TBCD: variants seen among roughly 807,000 people sequenced by gnomAD.
TBCD encodes the protein tubulin folding cofactor D.
In TBCD, 105 loss-of-function variants were observed where a neutral mutation model predicts 169.3. The ratio of observed to expected loss-of-function variants is 0.62; its 90% CI spans 0.53 to 0.73. TBCD has a LOEUF of 0.73. TBCD is among the 30% of genes least tolerant of loss of function. TBCD has a pLI of 0.00. For missense variants in TBCD, 1,444 were observed against 1,600.1 expected (o/e 0.90, Z 1.66); for synonymous variants, 700 against 643.9 (o/e 1.09, Z -1.32).
chr17:82,938,887 T>TTGCTTCTCTGGTGAAAACAG lies in TBCD; in HGVS notation c.3370-480_3370-479insTGCTTCTCTGGTGAAAACAG, dbSNP rs1568103719. Among the ~76,000 whole-genome samples the TTGCTTCTCTGGTGAAAACAG allele has an allele frequency of 5.3e-3, 288 of 54,486 alleles. 1 individual carries two copies. The highest frequency in any genetic ancestry group is 0.037 in the Middle Eastern group (2 of 54). The allele number at this position is 54,486 out of a possible 152,430, so 35.7% of individuals were successfully genotyped here. On this transcript the variant is annotated intron_variant, in intron 36 of 38. Coordinates refer to ENST00000355528, the MANE Select transcript of TBCD (RefSeq NM_005993.5). ...GTGAGGGAGCAGGTTGGTTAATAGA[T>TTGCTTCTCTGGTGAAAACAG]AGCGGGCGAGATTGCTTCTCTGGTG... is the stretch of plus-strand genomic sequence containing the variant.
chr17:82,919,639 C>G (rs184978109), intron 23 of TBCD, among the ~76,000 whole-genome samples: 4 of 152,218 alleles, frequency 2.6e-5, no homozygotes, highest in African/African-American at 9.6e-5. Flanking sequence ...CAGGTTACTT[C>G]ACATCGAGAG....
At chr17:82,830,691 G>A in intron 13 of TBCD, 3 of 1,614,180 alleles carry the variant, frequency 1.9e-6, no homozygotes, top group Non-Finnish European at 2.5e-6. Flanking sequence ...CTGAGAAGCT[G>A]GCGGTTTCCG....
Position 82,752,307 on chromosome 17 carries a change from G to C in TBCD, c.114G>C (p.Ala38=). The C allele has an allele frequency of 1.3e-6, 2 of 1,492,854 alleles. No individual in the cohort carries two copies. The highest frequency in any genetic ancestry group is 1.8e-6 in the Non-Finnish European group (2 of 1,129,344). 92.5% of individuals were successfully genotyped at this position (1,492,854 alleles called of 1,614,324 possible). The stretch of plus-strand genomic sequence containing the variant: ...TCGGCGAGAGCGCGGAGACCCGGGC[G>C]CTGCTGGGCCGCCTGCGGGAGGTGC... ...EAFGESAETR[A]LLGRLREVHG... is the part of the protein sequence containing the mutation. The change falls in exon 1 of 39, where the codon GCG becomes GCC. Residue 38 remains alanine (A), a synonymous_variant. Coordinates refer to ENST00000355528, the MANE Select transcript of TBCD (RefSeq NM_005993.5).
At chr17:82,894,427 G>A (rs1008749358) in intron 17 of TBCD, among the ~76,000 whole-genome samples, 2 of 152,156 alleles carry the variant, frequency 1.3e-5, no homozygotes, top group Non-Finnish European at 2.9e-5. Flanking sequence ...CCAGAAGCAT[G>A]CCCGATGCAT....
At chr17:82,761,875 G>T (rs543621309) in intron 2 of TBCD, among the ~76,000 whole-genome samples, 1 of 151,392 alleles carries the variant, frequency 6.6e-6, no homozygotes, top group Non-Finnish European at 1.5e-5. Flanking sequence ...ACGGGTGCCC[G>T]CCAACACACC....
At position 82,899,335 on chromosome 17, in the gene TBCD, C is replaced by T. The variant is rs558584630; in HGVS notation, c.1650-1316C>T. Among the ~76,000 whole-genome samples, 7 of 149,972 alleles carry T rather than the reference C, an allele frequency of 4.7e-5. 1 individual carries two copies. In the South Asian group the frequency reaches 1.3e-3, roughly 27 times the overall value. ...GTGTCCTCAGCGCGCGCGTCCTCAG[C>T]TCGTGTCCTCAGTGCGTGTCCGCAG... On this transcript the variant is annotated intron_variant, in intron 17 of 38. Transcript: ENST00000355528.
rs761207938 is a variant in TBCD, at chr17:82,923,752, T to C, written c.2260+19T>C. On this transcript the variant is annotated intron_variant, in intron 26 of 38. Coordinates refer to ENST00000355528, the MANE Select transcript of TBCD (RefSeq NM_005993.5). The surrounding 1 kb of genome is among the most constrained non-coding windows in gnomAD (Gnocchi z 4.6). ...ATTCAGGGTGAGTGGGGAGCCCTTT[T>C]CTTGAAGACTCCAGGGGCTTCCAGC... The C allele has an allele frequency of 1.9e-6, 3 of 1,579,000 alleles. No homozygotes were observed. In the South Asian group the frequency reaches 3.5e-5, roughly 18 times the overall value.
intron 29 of TBCD, 140 bp downstream of exon 29, chr17:82,927,463 A>T: frequency 8.1e-7 from 1 of 1,239,530 alleles, no homozygotes; most frequent in Middle Eastern, 2.9e-4. Context: ...TCTGGGGAAG[A>T]TGACCTGTTC....
Position 82,930,543 on chromosome 17 carries a change from C to T in TBCD, c.3013C>T (p.Leu1005Phe), listed in dbSNP as rs2062113544. 1.9e-6 allele frequency: 3 copies of T among 1,613,680 alleles called. No homozygotes were observed. Among genetic ancestry groups the T allele is most frequent in the Non-Finnish European group, 2.5e-6 (3 of 1,179,836 alleles). Reference sequence around the variant, plus strand: ...GCAGATCCGGCACTCCACCCAGAGCCTCTTTGAGTACATGAAGGGCATTCA... The same window carrying T: ...GCAGATCCGGCACTCCACCCAGAGCTTCTTTGAGTACATGAAGGGCATTCA... ...ESTIRHSTQSLFEYMKGIQSD... is the reference protein window; with the variant it reads ...ESTIRHSTQSFFEYMKGIQSD... The change falls in exon 33 of 39, where the codon CTC (leucine) becomes TTC (phenylalanine). Residue 1005 changes from leucine (L) to phenylalanine (F), a missense_variant. Leu to Phe is a conservative substitution (Grantham distance 22, BLOSUM62 0). Coordinates refer to ENST00000355528, the MANE Select transcript of TBCD (RefSeq NM_005993.5). This position sits in a 1 kb window ranked among gnomAD's most constrained non-coding sequence, Gnocchi z 5.2.
intron 13 of TBCD, among the ~76,000 whole-genome samples, chr17:82,855,427 C>A (rs766560554): frequency 6.6e-6 from 1 of 151,290 alleles, no homozygotes; most frequent in South Asian, 2.1e-4. Flanking sequence ...CTACCGTGCC[C>A]GGCTAATTTT....
In TBCD at chr17:82,927,865, CT is replaced by C. The variant is rs774767136; in HGVS notation, c.2610-39del. 19 of 1,586,536 alleles carry C rather than the reference CT, an allele frequency of 1.2e-5. No individual in the cohort carries two copies. The South Asian group carries it at 1.9e-4, about 16-fold the overall frequency. Reference sequence around the variant, plus strand: ...GGGCAGAACCAGGGTTGGAACCCCCCTCTCAAGCTGGGTGTCTCTGCCTCTC... The same window carrying C: ...GGGCAGAACCAGGGTTGGAACCCCCCCTCAAGCTGGGTGTCTCTGCCTCTC... On this transcript the variant is annotated intron_variant, in intron 29 of 38. Transcript: ENST00000355528.
chr17:82,917,019 C>CTTTTTTTTTTT (rs59331670), intron 23 of TBCD, among the ~76,000 whole-genome samples: 5 of 108,498 alleles, frequency 4.6e-5, no homozygotes, highest in African/African-American at 6.8e-5. Flanking sequence ...TTTTTCTTTT[C>CTTTTTTTTTTT]TTTTCTTTTT....
intron 20 of TBCD, among the ~76,000 whole-genome samples, chr17:82,907,447 C>T (rs8069662): frequency 0.013 from 1,957 of 152,276 alleles, 45 homozygotes; most frequent in African/African-American, 0.044. Context: ...ATTTAGGAGG[C>T]GGAGGTGGGG....
intron 16 of TBCD, among the ~76,000 whole-genome samples, chr17:82,892,168 G>A (rs772195538): frequency 1.3e-5 from 2 of 152,028 alleles, no homozygotes; most frequent in Non-Finnish European, 2.9e-5. Context: ...TGTTCTCACC[G>A]TGGGGGGATG....
At chr17:82,766,711 TCA>T (rs1188472278) in intron 4 of TBCD, among the ~76,000 whole-genome samples, 2 of 152,208 alleles carry the variant, frequency 1.3e-5, no homozygotes, top group Non-Finnish European at 2.9e-5. Flanking sequence ...TGAGCGGGAC[TCA>T]CAGCACTCAG....
rs543924295 is a variant in TBCD, at chr17:82,943,346, C to CAGAT, written c.*884_*885insGATA. On this transcript the variant is annotated 3_prime_UTR_variant, in exon 39 of 39. Coordinates refer to ENST00000355528, the MANE Select transcript of TBCD (RefSeq NM_005993.5). ...TTTCACTGTGGTAGCAACCCACACC[C>CAGAT]ATCTCTGGGACCTGTGCTGTGCTCA... 2.7e-3 allele frequency: 418 copies of CAGAT among 152,376 alleles called. 19 individuals are homozygous for CAGAT. In the South Asian group the frequency reaches 0.082, roughly 30 times the overall value. The allele number at this position is 152,376 out of a possible 1,614,324, so 9.4% of individuals were successfully genotyped here. A position where few individuals can be genotyped will look rare whatever the true frequency, so the allele number is the denominator to read the frequency against.
At chr17:82,871,727 C>G (rs2057573041) in intron 14 of TBCD, among the ~76,000 whole-genome samples, 1 of 152,204 alleles carries the variant, frequency 6.6e-6, no homozygotes, top group Non-Finnish European at 1.5e-5. Flanking sequence ...CCCCTCTGCC[C>G]CGCACGCCCC....
At chr17:82,887,162 T>TGCGCGCGCGC (rs1443314838) in intron 15 of TBCD, among the ~76,000 whole-genome samples, 4 of 107,220 alleles carry the variant, frequency 3.7e-5, no homozygotes, top group African/African-American at 1.7e-4. Context: ...TGTGTGTGTG[T>TGCGCGCGCGC]GTGTGTGCGC....
chr17:82,891,228 C>T (rs1009067785), intron 16 of TBCD, among the ~76,000 whole-genome samples: 2 of 152,234 alleles, frequency 1.3e-5, no homozygotes, highest in African/African-American at 2.4e-5. Context: ...GCCACGTTAC[C>T]TTTATCGGGG....
Sources: gnomAD v4.1 joint callset for allele counts (sites outside exome capture counted in the v4.1 genomes callset) on GRCh38, gnomAD v4.1.1 for gene constraint, Gnocchi (gnomAD v3.1) non-coding constraint, MANE v1.5 for transcripts, NCBI Gene and HGNC (gene_info 2026-07-23, HGNC 2026-07-21) for gene names.